The following TAFA5 variants were observed in gnomAD, a reference collection of about 807,000 sequenced individuals.
TAFA5 encodes TAFA chemokine like family member 5, also known as chemokine-like protein TAFA-5.
Under a neutral mutation model 15.3 loss-of-function variants are expected in TAFA5, and 6 were observed. That is an observed-to-expected ratio of 0.39 (90% CI 0.21 to 0.77). The LOEUF (loss-of-function observed/expected upper bound fraction) is 0.77, where lower values mean the gene tolerates loss of function less well. Among genes scored for constraint, TAFA5 ranks in the 30% least tolerant of loss-of-function variants. The pLI is 0.41. For synonymous variants in TAFA5, 103 were observed against 80.7 expected (o/e 1.28, Z -1.48); for missense variants, 161 against 193.1 (o/e 0.83, Z 0.98).
intron 2 of TAFA5, among the ~76,000 whole-genome samples, chr22:48,698,069 A>ATGG (rs56045024): frequency 1.3e-5 from 2 of 149,902 alleles, no homozygotes; most frequent in Admixed American, 6.6e-5. Context: ...TGTCATAATG[A>ATGG]TGGTGATGGT....
At chr22:48,702,134 T>TGTGTGTGC (rs71738417) in intron 2 of TAFA5, among the ~76,000 whole-genome samples, 1 of 151,490 alleles carries the variant, frequency 6.6e-6, no homozygotes, top group Admixed American at 6.6e-5. Context: ...TGTGAGTGTG[T>TGTGTGTGC]GTGTGTGCGT....
intron 1 of TAFA5, among the ~76,000 whole-genome samples, chr22:48,557,878 A>T (rs1415387588): frequency 6.6e-6 from 1 of 152,140 alleles, no homozygotes; most frequent in African/African-American, 2.4e-5. Flanking sequence ...GGGTCCCAGG[A>T]CCCCTGTCCC....
chr22:48,685,206 A>G (rs978962236), intron 2 of TAFA5, among the ~76,000 whole-genome samples: 1 of 152,220 alleles, frequency 6.6e-6, no homozygotes, highest in African/African-American at 2.4e-5. Context: ...GAAGTCAGTA[A>G]AAAGGAATGC....
At position 48,644,709 on chromosome 22, in the gene TAFA5, T is replaced by A. The variant is rs965154686; in HGVS notation, c.113-1888T>A. ...GGCAGGTGCCAGAGGAGGGGCCGTC[T>A]AAGGTTATCATAGGAGAAAAAGTGG... On this transcript the variant is annotated intron_variant, in intron 1 of 3. Coordinates refer to ENST00000402357, the MANE Select transcript of TAFA5 (RefSeq NM_001082967.3). Among the ~76,000 whole-genome samples, 23 of 152,184 alleles carry A rather than the reference T, an allele frequency of 1.5e-4. 3 individuals carry two copies. The highest frequency in any genetic ancestry group is 5.1e-4 in the African/African-American group (21 of 41,522).
intron 1 of TAFA5, among the ~76,000 whole-genome samples, chr22:48,586,781 A>G (rs1924377931): frequency 6.6e-6 from 1 of 152,228 alleles, no homozygotes; most frequent in African/African-American, 2.4e-5. Context: ...CGACCTGGAC[A>G]GTGCCCACTG....
rs567507871 is a variant in TAFA5 at position 48,542,755 on chromosome 22, A to C, written c.112+53051A>C. 2.4e-5 allele frequency among the ~76,000 whole-genome samples: 3 copies of C among 126,894 alleles called. 1 individual carries two copies. The highest frequency in any genetic ancestry group is 5.3e-4 in the East Asian group (2 of 3,792). The allele number at this position is 126,894 out of a possible 152,430, so 83.2% of individuals were successfully genotyped here. A position where few individuals can be genotyped will look rare whatever the true frequency, so the allele number is the denominator to read the frequency against. ...TGTATAGTGATATGTGTACTGGTGT[A>C]CTGTGGGGTGTATGATGTGTGGTGT... On this transcript the variant is annotated intron_variant, in intron 1 of 3. Transcript: ENST00000402357.
At chr22:48,591,099 G>A (rs1569038335) in intron 1 of TAFA5, among the ~76,000 whole-genome samples, 1 of 152,158 alleles carries the variant, frequency 6.6e-6, no homozygotes, top group Non-Finnish European at 1.5e-5. Context: ...TGATCCGCCC[G>A]CCTCGGCCTC....
At chr22:48,654,400 A>G (rs963677479) in intron 2 of TAFA5, among the ~76,000 whole-genome samples, 2 of 152,200 alleles carry the variant, frequency 1.3e-5, no homozygotes, top group African/African-American at 4.8e-5. Flanking sequence ...AGGGTTTGGA[A>G]GGAGCACGCC....
intron 1 of TAFA5, among the ~76,000 whole-genome samples, chr22:48,635,553 C>T: frequency 6.6e-6 from 1 of 152,218 alleles, no homozygotes; most frequent in Non-Finnish European, 1.5e-5. Context: ...TTGAGCAGCC[C>T]CTGCGTGTCT....
intron 2 of TAFA5, among the ~76,000 whole-genome samples, chr22:48,655,403 C>T (rs28508371): frequency 6.6e-6 from 1 of 152,156 alleles, no homozygotes; most frequent in East Asian, 1.9e-4. Flanking sequence ...TTACACTGTT[C>T]TGGGGGCTGG....
intron 1 of TAFA5, among the ~76,000 whole-genome samples, chr22:48,565,913 G>C (rs531840337): frequency 6.6e-6 from 1 of 152,276 alleles, no homozygotes; most frequent in East Asian, 1.9e-4. Flanking sequence ...TAGATGAATT[G>C]ATAGGTAGAT....
At chr22:48,749,126 C>G (rs912004144) in intron 3 of TAFA5, among the ~76,000 whole-genome samples, 1 of 152,158 alleles carries the variant, frequency 6.6e-6, no homozygotes, top group East Asian at 1.9e-4. Flanking sequence ...GAGATCAGGA[C>G]GATGCGTCTC....
At chr22:48,725,322 A>G (rs767578062) in intron 3 of TAFA5, among the ~76,000 whole-genome samples, 9 of 152,182 alleles carry the variant, frequency 5.9e-5, no homozygotes, top group Non-Finnish European at 1.2e-4. Flanking sequence ...TAAGCCTCAA[A>G]GTCAAAACTC....
At position 48,667,758 on chromosome 22, in the gene TAFA5, GCGTCTTCACT is replaced by G. The variant is rs1241139870; in HGVS notation, c.262+21013_262+21022del. Among the ~76,000 whole-genome samples the G allele has an allele frequency of 2.0e-5, 2 of 100,248 alleles. 1 individual carries two copies. The highest frequency in any genetic ancestry group is 7.2e-5 in the African/African-American group (2 of 27,710). The allele number at this position is 100,248 out of a possible 152,430, so 65.8% of individuals were successfully genotyped here. A position where few individuals can be genotyped will look rare whatever the true frequency, so the allele number is the denominator to read the frequency against. On this transcript the variant is annotated intron_variant, in intron 2 of 3. Coordinates refer to ENST00000402357, the MANE Select transcript of TAFA5 (RefSeq NM_001082967.3). Reference sequence around the variant, plus strand: ...CGTTAATCCCCCAGCACTCAGGGCCGCGTCTTCACTGGGAGCTGTAATCCCCCAGCACTCA... The same window carrying G: ...CGTTAATCCCCCAGCACTCAGGGCCGGGGAGCTGTAATCCCCCAGCACTCA...
intron 1 of TAFA5, among the ~76,000 whole-genome samples, chr22:48,521,662 G>A (rs1412061636): frequency 6.6e-6 from 1 of 152,160 alleles, no homozygotes; most frequent in African/African-American, 2.4e-5. Context: ...CACGGGAGAC[G>A]GAGGATGCGT....
At chr22:48,656,496 C>T (rs1927248940) in intron 2 of TAFA5, among the ~76,000 whole-genome samples, 1 of 150,760 alleles carries the variant, frequency 6.6e-6, no homozygotes, top group South Asian at 2.1e-4. Context: ...CAGAGCGAGA[C>T]TCCATCTCAA....
chr22:48,720,895 A>G (rs1356285779), intron 3 of TAFA5, among the ~76,000 whole-genome samples: 1 of 151,872 alleles, frequency 6.6e-6, no homozygotes, highest in Admixed American at 6.6e-5. Context: ...ACCCCTGGGG[A>G]CCCTTTCTGG....
In TAFA5 at chr22:48,557,068, G is replaced by T. The variant is rs545337484; in HGVS notation, c.112+67364G>T. Among the ~76,000 whole-genome samples, 2 of 152,344 alleles carry T rather than the reference G, an allele frequency of 1.3e-5. 1 individual carries two copies. Among genetic ancestry groups the T allele is most frequent in the South Asian group, 4.1e-4 (2 of 4,832 alleles). On this transcript the variant is annotated intron_variant, in intron 1 of 3. Transcript: ENST00000402357. ...TTGGGAGGCCCGCAGGGAGCGGGGA[G>T]TGCGCCCAGGTCTGGGGTTCAGGGC...
At chr22:48,744,537 C>T (rs1930272346) in intron 3 of TAFA5, among the ~76,000 whole-genome samples, 3 of 152,268 alleles carry the variant, frequency 2.0e-5, no homozygotes. Context: ...CCACTGATTC[C>T]CTCAGCCCTG....
Sources: gnomAD v4.1 joint callset for allele counts (sites outside exome capture counted in the v4.1 genomes callset) on GRCh38, gnomAD v4.1.1 for gene constraint, MANE v1.5 for transcripts, NCBI Gene and HGNC (gene_info 2026-07-23, HGNC 2026-07-21) for gene names.